Variants in DPP10 observed in about 807,000 individuals in gnomAD.
DPP10 encodes inactive dipeptidyl peptidase 10.
Under a neutral mutation model 120.9 loss-of-function variants are expected in DPP10, and 33 were observed. The observed-to-expected ratio is 0.27, with a 90% CI of 0.21 to 0.37. DPP10 has a LOEUF of 0.37. Among genes scored for constraint, DPP10 ranks in the 10% least tolerant of loss-of-function variants. The pLI is 1.00. For synonymous variants in DPP10, 337 were observed against 326.1 expected (o/e 1.03, Z -0.36); for missense variants, 816 against 942.8 (o/e 0.87, Z 1.76).
intron 1 of DPP10, among the ~76,000 whole-genome samples, chr2:114,752,762 T>C (rs1679358921): frequency 6.6e-6 from 1 of 152,186 alleles, no homozygotes; most frequent in Non-Finnish European, 1.5e-5. Flanking sequence ...ACCACTCAAA[T>C]TGAATGACAC....
At chr2:115,521,360 C>T (rs146138898) in intron 4 of DPP10, among the ~76,000 whole-genome samples, 1 of 152,118 alleles carries the variant, frequency 6.6e-6, no homozygotes, top group Non-Finnish European at 1.5e-5. Context: ...TTTCTGGCAT[C>T]TCTCTTAAAC....
chr2:114,868,951 A>G (rs751886927), intron 1 of DPP10, among the ~76,000 whole-genome samples: 7 of 152,124 alleles, frequency 4.6e-5, no homozygotes, highest in Non-Finnish European at 8.8e-5. Context: ...GGAAATAAGA[A>G]TGCCTACCTC....
chr2:114,724,538 C>A (rs1023506463), intron 1 of DPP10, among the ~76,000 whole-genome samples: 2 of 152,072 alleles, frequency 1.3e-5, no homozygotes, highest in Non-Finnish European at 2.9e-5. Flanking sequence ...ACATACTCAG[C>A]CGGTTTGGGG....
At chr2:115,767,859 G>T (rs1680982421) in intron 12 of DPP10, among the ~76,000 whole-genome samples, 1 of 152,078 alleles carries the variant, frequency 6.6e-6, no homozygotes, top group East Asian at 1.9e-4. Context: ...AAGTACAGTT[G>T]CTGAAGAAAG....
intron 1 of DPP10, among the ~76,000 whole-genome samples, chr2:115,001,582 A>G (rs944017138): frequency 5.9e-5 from 9 of 152,150 alleles, no homozygotes; most frequent in African/African-American, 2.2e-4. Context: ...AGGTATCCAA[A>G]TAGGAAGAGA....
chr2:114,962,634 T>A (rs958732215), intron 1 of DPP10, among the ~76,000 whole-genome samples: 1 of 152,172 alleles, frequency 6.6e-6, no homozygotes, highest in African/African-American at 2.4e-5. Context: ...TGGGTTACGA[T>A]GTCTGCCCTT....
chr2:114,693,724 G>A lies in DPP10; in HGVS notation c.60+250886G>A, dbSNP rs113444649. Among the ~76,000 whole-genome samples the A allele has an allele frequency of 4.9e-3, 747 of 151,884 alleles. 9 individuals carry two copies. The highest frequency in any genetic ancestry group is 0.017 in the African/African-American group (715 of 41,494). On this transcript the variant is annotated intron_variant, in intron 1 of 25. Coordinates refer to ENST00000410059, the MANE Select transcript of DPP10 (RefSeq NM_020868.6). ...TCTCTTTGAGGTACCCCAATCAGTC[G>A]TAGGTTCTGTCTCTTTACATAATCC...
chr2:115,690,151 C>T (rs2091233408), intron 7 of DPP10, among the ~76,000 whole-genome samples: 1 of 152,000 alleles, frequency 6.6e-6, no homozygotes, highest in South Asian at 2.1e-4. Context: ...TATGATTAAA[C>T]TGCTGGTTTA....
intron 5 of DPP10, among the ~76,000 whole-genome samples, chr2:115,597,388 T>C (rs976751762): frequency 6.6e-6 from 1 of 151,984 alleles, no homozygotes; most frequent in Admixed American, 6.6e-5. Context: ...ATAAGGTGGA[T>C]TAAAAATAAA....
intron 1 of DPP10, among the ~76,000 whole-genome samples, chr2:114,799,428 G>A (rs1489264054): frequency 6.6e-6 from 1 of 152,142 alleles, no homozygotes; most frequent in Non-Finnish European, 1.5e-5. Context: ...ACCACCAGGT[G>A]TACAGTATTT....
chr2:114,593,394 T>C (rs1449504683), intron 1 of DPP10, among the ~76,000 whole-genome samples: 1 of 152,092 alleles, frequency 6.6e-6, no homozygotes, highest in African/African-American at 2.4e-5. Context: ...TTGCATAGGA[T>C]GCTCCACGAA....
chr2:115,121,494 T>C (rs1478966131), intron 1 of DPP10, among the ~76,000 whole-genome samples: 1 of 152,200 alleles, frequency 6.6e-6, no homozygotes, highest in African/African-American at 2.4e-5. Context: ...CTGGAACCCC[T>C]TCAGTTTAAG....
intron 1 of DPP10, among the ~76,000 whole-genome samples, chr2:114,752,120 A>G (rs545388883): frequency 6.6e-6 from 1 of 151,998 alleles, no homozygotes; most frequent in Admixed American, 6.5e-5. Context: ...AATGATGCCA[A>G]TGGTCAGGGT....
intron 3 of DPP10, among the ~76,000 whole-genome samples, chr2:115,351,587 C>T (rs760062000): frequency 4.6e-5 from 7 of 151,970 alleles, no homozygotes; most frequent in Non-Finnish European, 7.4e-5. Flanking sequence ...GAAATAATGA[C>T]ATACCTAGTT....
At chr2:115,191,751 C>T (rs1023756435) in intron 1 of DPP10, among the ~76,000 whole-genome samples, 6 of 152,080 alleles carry the variant, frequency 3.9e-5, no homozygotes, top group African/African-American at 9.7e-5. Context: ...CAGGCCGGTT[C>T]GAGCTTTTCC....
intron 1 of DPP10, among the ~76,000 whole-genome samples, chr2:114,449,469 CT>C (rs75538905): frequency 0.13 from 18,367 of 139,532 alleles, 1,507 homozygotes; most frequent in East Asian, 0.34. Context: ...TGATGTTTTT[CT>C]TTTTTTTTTT....
chr2:115,402,556 C>T (rs1160429827), intron 3 of DPP10, among the ~76,000 whole-genome samples: 1 of 151,236 alleles, frequency 6.6e-6, no homozygotes, highest in Non-Finnish European at 1.5e-5. Flanking sequence ...TGGATAAATT[C>T]CTAGACACAT....
intron 1 of DPP10, among the ~76,000 whole-genome samples, chr2:114,692,248 CTT>C (rs1699803836): frequency 6.6e-6 from 1 of 152,152 alleles, no homozygotes; most frequent in South Asian, 2.1e-4. Flanking sequence ...CTTAACACTG[CTT>C]TAGCTGCATC....
chr2:114,710,930 A>G (rs1207086808), intron 1 of DPP10, among the ~76,000 whole-genome samples: 1 of 152,176 alleles, frequency 6.6e-6, no homozygotes, highest in African/African-American at 2.4e-5. Context: ...ACACAACAGC[A>G]GGGGTTAGGA....
Sources: allele counts gnomAD v4.1 joint callset (sites outside exome capture counted in the v4.1 genomes callset), GRCh38; gene constraint gnomAD v4.1.1; transcripts MANE v1.5; gene names NCBI Gene and HGNC (gene_info 2026-07-23, HGNC 2026-07-21).